The following SLC24A2 variants were observed in gnomAD, a reference collection of about 807,000 sequenced individuals.
SLC24A2 encodes the protein sodium/potassium/calcium exchanger 2.
SLC24A2 carries 36 observed loss-of-function variants against 62.0 expected under a neutral mutation model. The observed-to-expected ratio is 0.58, with a 90% CI of 0.44 to 0.77. The LOEUF (loss-of-function observed/expected upper bound fraction) is 0.77, where lower values mean the gene tolerates loss of function less well. Among genes scored for constraint, SLC24A2 ranks in the 30% least tolerant of loss-of-function variants. The pLI, the probability that SLC24A2 is intolerant of heterozygous loss-of-function variation, is 0.00. For missense variants in SLC24A2, 846 were observed against 817.9 expected, an observed-to-expected ratio of 1.03 and a Z score of -0.42; for synonymous variants, 358 against 294.0, an observed-to-expected ratio of 1.22 and a Z score of -2.23.
At chr9:20,271,114 C>T in the SLC24A2 span, among the ~76,000 whole-genome samples, 1 of 152,324 alleles carries the variant, frequency 6.6e-6, no homozygotes, top group Non-Finnish European at 1.5e-5. Flanking sequence ...CCAAGGAGTC[C>T]TTCCCATAAA....
intron 2 of SLC24A2, among the ~76,000 whole-genome samples, chr9:19,763,228 G>T (rs908165594): frequency 1.3e-5 from 2 of 152,148 alleles, no homozygotes; most frequent in Non-Finnish European, 2.9e-5. Context: ...TGAGACAATG[G>T]GGTTTTCTAA....
chr9:20,001,891 T>C, the SLC24A2 span, among the ~76,000 whole-genome samples: 1 of 152,230 alleles, frequency 6.6e-6, no homozygotes, highest in Non-Finnish European at 1.5e-5. Context: ...AGTTCTGTGA[T>C]ATATTCCCAG....
chr9:19,851,016 TATATATAC>T, the SLC24A2 span, among the ~76,000 whole-genome samples: 6 of 74,200 alleles, frequency 8.1e-5, 1 homozygote, highest in Non-Finnish European at 1.6e-4. Flanking sequence ...TACATATATA[TATATATAC>T]ATATTTTTTT....
chr9:19,880,704 T>C, the SLC24A2 span, among the ~76,000 whole-genome samples: 3 of 152,164 alleles, frequency 2.0e-5, no homozygotes, highest in Non-Finnish European at 2.9e-5. Flanking sequence ...AGGGATGGCT[T>C]GAGCAACTGG....
the SLC24A2 span, among the ~76,000 whole-genome samples, chr9:20,018,271 A>T: frequency 6.6e-6 from 1 of 152,146 alleles, no homozygotes; most frequent in Non-Finnish European, 1.5e-5. Flanking sequence ...AAATTCAATC[A>T]AGTTGACACT....
the SLC24A2 span, among the ~76,000 whole-genome samples, chr9:20,176,090 GC>G: frequency 6.6e-6 from 1 of 151,964 alleles, no homozygotes; most frequent in Non-Finnish European, 1.5e-5. Context: ...CAACACTTGG[GC>G]TTTTTCGTTC....
rs368305660 is a variant in SLC24A2, at chr9:19,513,184, A to T, written c.*2969T>A. 7.5e-5 allele frequency: 7 copies of T among 93,446 alleles called. No homozygotes were observed. Among genetic ancestry groups the T allele is most frequent in the Admixed American group, 3.1e-4 (3 of 9,648 alleles). 5.8% of individuals were successfully genotyped at this position (93,446 alleles called of 1,614,324 possible). ...TATATATATATATATATGTATATATATATATATGTATATATTTATATATGT... is the reference window on the plus strand; with the variant it reads ...TATATATATATATATATGTATATATTTATATATGTATATATTTATATATGT... On this transcript the variant is annotated 3_prime_UTR_variant, in exon 11 of 11. Coordinates refer to ENST00000341998, the MANE Select transcript of SLC24A2 (RefSeq NM_020344.4).
At position 19,778,032 on chromosome 9, in the gene SLC24A2, C is replaced by T. The variant is rs1436528497; in HGVS notation, c.930+7905G>A. Among the ~76,000 whole-genome samples the T allele has an allele frequency of 2.0e-5, 3 of 152,096 alleles. No homozygotes were observed. In the South Asian group the frequency reaches 6.2e-4, roughly 32 times the overall value. On this transcript the variant is annotated intron_variant, in intron 2 of 10. Transcript: ENST00000341998. ...TTTATTATTTTGATGAGAAACTTTACTATGATGGTCAGGCTGTATTAAACA... is the reference window on the plus strand; with the variant it reads ...TTTATTATTTTGATGAGAAACTTTATTATGATGGTCAGGCTGTATTAAACA...
the SLC24A2 span, among the ~76,000 whole-genome samples, chr9:20,022,379 C>T: frequency 1.3e-5 from 2 of 152,144 alleles, no homozygotes; most frequent in Non-Finnish European, 2.9e-5. Flanking sequence ...GGGGTAAGTA[C>T]ATTACTAACC....
At chr9:19,764,476 T>C (rs1440479498) in intron 2 of SLC24A2, among the ~76,000 whole-genome samples, 1 of 152,262 alleles carries the variant, frequency 6.6e-6, no homozygotes, top group Non-Finnish European at 1.5e-5. Context: ...GCATTAGCTG[T>C]GTCCCAGAGA....
chr9:20,278,195 G>T, the SLC24A2 span, among the ~76,000 whole-genome samples: 49,299 of 151,550 alleles, frequency 0.33, 8,515 homozygotes, highest in African/African-American at 0.44. Flanking sequence ...GTAACAAACC[G>T]GCACACTGTG....
chr9:19,852,633 T>C, the SLC24A2 span, among the ~76,000 whole-genome samples: 1 of 152,178 alleles, frequency 6.6e-6, no homozygotes, highest in African/African-American at 2.4e-5. Context: ...TGATTGTAGA[T>C]GTGTGGTCTT....
the SLC24A2 span, among the ~76,000 whole-genome samples, chr9:20,116,753 A>G: frequency 6.6e-6 from 1 of 152,198 alleles, no homozygotes. Context: ...CTAGAAGCTC[A>G]GTAACTACTT....
At chr9:20,055,183 T>G in the SLC24A2 span, among the ~76,000 whole-genome samples, 1 of 152,116 alleles carries the variant, frequency 6.6e-6, no homozygotes, top group East Asian at 1.9e-4. Flanking sequence ...ACTTTTACCA[T>G]CCCAGAATGA....
chr9:20,240,725 A>G, the SLC24A2 span, among the ~76,000 whole-genome samples: 80 of 152,304 alleles, frequency 5.3e-4, no homozygotes, highest in Non-Finnish European at 9.7e-4. Context: ...CCCTAAGGCT[A>G]GAGAAGTACT....
chr9:19,962,232 T>G, the SLC24A2 span, among the ~76,000 whole-genome samples: 1 of 152,218 alleles, frequency 6.6e-6, no homozygotes, highest in Non-Finnish European at 1.5e-5. Flanking sequence ...TATCTCTGTT[T>G]TTGTAGCAGT....
At chr9:19,637,178 G>T (rs898816456) in intron 2 of SLC24A2, among the ~76,000 whole-genome samples, 1 of 152,208 alleles carries the variant, frequency 6.6e-6, no homozygotes, top group African/African-American at 2.4e-5. Flanking sequence ...CACAGGCAAA[G>T]AACAGAGTAG....
intron 5 of SLC24A2, among the ~76,000 whole-genome samples, chr9:19,589,466 T>C (rs1211309778): frequency 6.6e-6 from 1 of 152,204 alleles, no homozygotes; most frequent in Non-Finnish European, 1.5e-5. Flanking sequence ...TAGTGTTTGC[T>C]TTTTTACTTA....
At chr9:19,953,145 GT>G in the SLC24A2 span, among the ~76,000 whole-genome samples, 6 of 151,836 alleles carry the variant, frequency 4.0e-5, no homozygotes, top group East Asian at 1.2e-3. Flanking sequence ...TTGGTAATTT[GT>G]GTCTTCCCTG....
Sources: allele counts gnomAD v4.1 joint callset (sites outside exome capture counted in the v4.1 genomes callset), GRCh38; gene constraint gnomAD v4.1.1; transcripts MANE v1.5; gene names NCBI Gene and HGNC (gene_info 2026-07-23, HGNC 2026-07-21).